The following YBX3 variants were observed in gnomAD, a reference collection of about 807,000 sequenced individuals.
YBX3 encodes Y-box-binding protein 3.
Under a neutral mutation model 42.4 loss-of-function variants are expected in YBX3, and 29 were observed. The observed-to-expected ratio is 0.68, with a 90% CI of 0.51 to 0.93. The LOEUF (loss-of-function observed/expected upper bound fraction) is 0.93. Among genes scored for constraint, YBX3 ranks in the 40% least tolerant of loss-of-function variants. YBX3 has a pLI of 0.00. For missense variants in YBX3, 517 were observed against 527.5 expected (o/e 0.98, Z 0.19); for synonymous variants, 195 against 189.8 (o/e 1.03, Z -0.22).
At chr12:10,713,418 G>C (rs996985397) in intron 4 of YBX3, 85 bp from the exon 5 acceptor site, 63 of 1,459,658 alleles carry the variant, frequency 4.3e-5, no homozygotes, top group Non-Finnish European at 5.6e-5. Context: ...TAGAGTATAA[G>C]ACTGGCAGAA....
chr12:10,723,098 C>T lies in YBX3; in HGVS notation c.14G>A (p.Gly5Asp), dbSNP rs1055020674. Residue 5 changes from glycine (G) to aspartate (D), a missense_variant, in exon 1 of 10, where the codon GGC becomes GAC. Gly to Asp is a moderately conservative substitution (Grantham distance 94, BLOSUM62 -1). Coordinates refer to ENST00000228251, the MANE Select transcript of YBX3 (RefSeq NM_003651.5). Reference protein sequence around the residue: MSEAGEATTTTTTTL... With the variant: MSEADEATTTTTTTL... ...GGTGGTGGTGGTGGTGGTGGCCTCG[C>T]CCGCCTCACTCATGCCTCCTCCTCC... is the stretch of plus-strand genomic sequence containing the variant. 13 of 1,206,206 alleles carry T rather than the reference C, an allele frequency of 1.1e-5. No homozygotes were observed. The highest frequency in any genetic ancestry group is 6.9e-5 in the East Asian group (2 of 29,130). The allele number at this position is 1,206,206 out of a possible 1,614,324, so 74.7% of individuals were successfully genotyped here.
chr12:10,710,058 AG>A lies in YBX3; in HGVS notation c.629del (p.Pro210LeufsTer58), dbSNP rs1051287909. 17 of 1,613,990 alleles carry A rather than the reference AG, an allele frequency of 1.1e-5. No individual in the cohort carries two copies. Among genetic ancestry groups the A allele is most frequent in the Non-Finnish European group, 1.4e-5 (16 of 1,180,000 alleles). Reference sequence around the variant, plus strand: ...CCCCAGAGAACTGCCTATCAGTGGCAGGGGGGTCAAATCCTTCACTGCTGCC... The same window carrying A: ...CCCCAGAGAACTGCCTATCAGTGGCAGGGGGTCAAATCCTTCACTGCTGCC... ...GSGSSEGFDP[P>X]ATDRQFSGAR... is the part of the protein sequence containing the mutation. On this transcript the variant is annotated frameshift_variant, in exon 6 of 10. Coordinates refer to ENST00000228251, the MANE Select transcript of YBX3 (RefSeq NM_003651.5). LOFTEE classifies it high-confidence loss of function.
chr12:10,701,601 C>G (rs1948079794), intron 8 of YBX3, among the ~76,000 whole-genome samples: 1 of 134,058 alleles, frequency 7.5e-6, no homozygotes, highest in South Asian at 2.6e-4. Flanking sequence ...CATATAAGAA[C>G]AGCTTACAAA....
intron 6 of YBX3, among the ~76,000 whole-genome samples, chr12:10,704,699 A>G (rs1948118536): frequency 6.6e-6 from 1 of 152,176 alleles, no homozygotes; most frequent in Admixed American, 6.5e-5. Context: ...GTCAGAAGAC[A>G]ATTTCCACGT....
chr12:10,723,021 C>T lies in YBX3; in HGVS notation c.91G>A (p.Ala31Thr), dbSNP rs1466991684. 5.8e-6 allele frequency: 7 copies of T among 1,206,964 alleles called. No individual in the cohort carries two copies. The highest frequency in any genetic ancestry group is 1.6e-5 in the African/African-American group (1 of 62,808). The allele number at this position is 1,206,964 out of a possible 1,614,324, so 74.8% of individuals were successfully genotyped here. A position where few individuals can be genotyped will look rare whatever the true frequency, so the allele number is the denominator to read the frequency against. ...EAAAAAPQDPAPKSPVGSGAP... is the reference protein window; with the variant it reads ...EAAAAAPQDPTPKSPVGSGAP... ...CCGCTGCCCACCGGGCTCTTGGGCG[C>T]GGGGTCCTGGGGAGCCGCGGCGGCC... is the stretch of plus-strand genomic sequence containing the variant. Residue 31 changes from alanine (A) to threonine (T), a missense_variant, in exon 1 of 10, where the codon GCG becomes ACG. Ala to Thr is a moderately conservative substitution (Grantham distance 58). Coordinates refer to ENST00000228251, the MANE Select transcript of YBX3 (RefSeq NM_003651.5).
chr12:10,718,203 C>T (rs1298779795), intron 2 of YBX3, 82 bp from the exon 3 acceptor site: 1 of 1,213,028 alleles, frequency 8.2e-7, no homozygotes, highest in Non-Finnish European at 1.2e-6. Context: ...ATGAATTTAA[C>T]TCCCAAGTCC....
chr12:10,705,843 C>A (rs1299670958), intron 6 of YBX3, among the ~76,000 whole-genome samples: 3 of 152,146 alleles, frequency 2.0e-5, no homozygotes, highest in African/African-American at 7.2e-5. Context: ...CCCCTTCAAG[C>A]TGGCTCATAT....
intron 6 of YBX3, among the ~76,000 whole-genome samples, chr12:10,706,541 T>G (rs1017116785): frequency 6.6e-6 from 1 of 152,192 alleles, no homozygotes; most frequent in Admixed American, 6.5e-5. Flanking sequence ...TTTAACACAT[T>G]TCTTTCTTGA....
chr12:10,702,072 T>C lies in YBX3; in HGVS notation c.941A>G (p.Gln314Arg). The part of the protein sequence containing the change: ...AVGEAEDKEN[Q>R]QATSGPNQPS... ...CTGGTTTGGACCACTGGTGGCTTGC[T>C]GATTTTCTTTATCTTCAGCCTCTCC... Residue 314 changes from glutamine to arginine, a missense_variant, in exon 8 of 10, where the codon CAG becomes CGG. This residue lies in a region of YBX3 where 420 missense variants were observed against 408.5 expected (regional missense o/e 1.03). Transcript: ENST00000228251. 1 of 1,614,230 alleles carries C rather than the reference T, an allele frequency of 6.2e-7. No individual in the cohort carries two copies. Among genetic ancestry groups the C allele is most frequent in the South Asian group, 1.1e-5 (1 of 91,076 alleles).
At chr12:10,703,995 T>C in intron 7 of YBX3, 56 bp downstream of exon 7, 1 of 1,526,134 alleles carries the variant, frequency 6.6e-7, no homozygotes, top group South Asian at 1.1e-5. Context: ...CAGTCCTCAT[T>C]CTACCATTGT....
rs749292709 is a variant in YBX3, at chr12:10,718,102, C to G, written c.346G>C (p.Val116Leu). Reference sequence around the variant, plus strand: ...ATCCCTCTTACCTGATGTACAAATACATCTTCTTTGGTGTCATTTCTGTTG... The same window carrying G: ...ATCCCTCTTACCTGATGTACAAATAGATCTTCTTTGGTGTCATTTCTGTTG... ...FINRNDTKED[V>L]FVHQTAIKKN... is the part of the protein sequence containing the mutation. The change falls in exon 3 of 10, where the codon GTA (valine) becomes CTA (leucine). Residue 116 changes from valine to leucine, a missense_variant. Coordinates refer to ENST00000228251, the MANE Select transcript of YBX3 (RefSeq NM_003651.5). 6.2e-7 allele frequency: 1 copy of G among 1,611,966 alleles called. No homozygotes were observed. The highest frequency in any genetic ancestry group is 8.5e-7 in the Non-Finnish European group (1 of 1,179,000).
chr12:10,722,737 T>A (rs756381315), intron 1 of YBX3, 113 bp downstream of exon 1: 211 of 985,550 alleles, frequency 2.1e-4, no homozygotes, highest in Non-Finnish European at 2.1e-4. Flanking sequence ...GACCCTGTGC[T>A]GTCAGCGTCT....
At chr12:10,707,019 A>AAAAAAAATAAATAAATAAAT (rs1555159502) in intron 6 of YBX3, among the ~76,000 whole-genome samples, 1 of 149,496 alleles carries the variant, frequency 6.7e-6, no homozygotes, top group African/African-American at 2.5e-5. Flanking sequence ...TCCATCTCAA[A>AAAAAAAATAAATAAATAAAT]AAATAAATAA....
chr12:10,722,758 T>C, intron 1 of YBX3, 92 bp downstream of exon 1: 1 of 1,142,266 alleles, frequency 8.8e-7, no homozygotes, highest in Non-Finnish European at 1.1e-6. Context: ...CCAGCCCGGG[T>C]GGGAGATGTA....
At chr12:10,705,498 C>T (rs141695139) in intron 6 of YBX3, among the ~76,000 whole-genome samples, 1 of 152,164 alleles carries the variant, frequency 6.6e-6, no homozygotes, top group East Asian at 1.9e-4. Flanking sequence ...GTTTTTGCAT[C>T]CCCAGGGGGA....
intron 7 of YBX3, chr12:10,702,378 G>A (rs759150109): frequency 5.5e-5 from 13 of 234,840 alleles, no homozygotes; most frequent in Non-Finnish European, 9.0e-5. Flanking sequence ...AAAATTAGCC[G>A]GGCGTGGTGG....
Position 10,723,132 on chromosome 12 carries a change from C to T in YBX3, c.-21G>A. 1 of 1,196,740 alleles carries T rather than the reference C, an allele frequency of 8.4e-7. No individual in the cohort carries two copies. 74.1% of individuals were successfully genotyped at this position (1,196,740 alleles called of 1,614,324 possible). A position where few individuals can be genotyped will look rare whatever the true frequency, so the allele number is the denominator to read the frequency against. On this transcript the variant is annotated 5_prime_UTR_variant, in exon 1 of 10. Transcript: ENST00000228251. ...CTCATGCCTCCTCCTCCTCTGCTCT[C>T]GCTCAGGCGCCTCGGTGGCGGTTGG...
At chr12:10,715,500 C>T (rs563204681) in intron 4 of YBX3, among the ~76,000 whole-genome samples, 194 bp downstream of exon 4, 6 of 151,816 alleles carry the variant, frequency 4.0e-5, no homozygotes, top group African/African-American at 1.2e-4. Context: ...GAACCAAGAT[C>T]GCGCCACTGC....
At position 10,723,125 on chromosome 12, in the gene YBX3, C is replaced by G; in HGVS notation, c.-14G>C. The G allele has an allele frequency of 8.3e-7, 1 of 1,199,968 alleles. No homozygotes were observed. Among genetic ancestry groups the G allele is most frequent in the African/African-American group, 1.6e-5 (1 of 62,978 alleles). The allele number at this position is 1,199,968 out of a possible 1,614,324, so 74.3% of individuals were successfully genotyped here. A position where few individuals can be genotyped will look rare whatever the true frequency, so the allele number is the denominator to read the frequency against. On this transcript the variant is annotated 5_prime_UTR_variant, in exon 1 of 10. Coordinates refer to ENST00000228251, the MANE Select transcript of YBX3 (RefSeq NM_003651.5). Reference sequence around the variant, plus strand: ...CGCCTCACTCATGCCTCCTCCTCCTCTGCTCTCGCTCAGGCGCCTCGGTGG... The same window carrying G: ...CGCCTCACTCATGCCTCCTCCTCCTGTGCTCTCGCTCAGGCGCCTCGGTGG...
Sources: allele counts gnomAD v4.1 joint callset (sites outside exome capture counted in the v4.1 genomes callset), GRCh38; gene constraint gnomAD v4.1.1; regional missense constraint gnomAD v4.1.1; transcripts MANE v1.5; gene names NCBI Gene and HGNC (gene_info 2026-07-23, HGNC 2026-07-21).